The following KLF12 variants were observed in gnomAD, a reference collection of about 807,000 sequenced individuals.
KLF12 encodes Krueppel-like factor 12.
In KLF12, 9 loss-of-function variants were observed where a neutral mutation model predicts 37.8. The ratio of observed to expected loss-of-function variants is 0.24; its 90% CI spans 0.14 to 0.42. The LOEUF (loss-of-function observed/expected upper bound fraction) is 0.42. KLF12 is among the 10% of genes least tolerant of loss of function. The pLI is 1.00. For missense variants in KLF12, 411 were observed against 516.0 expected (o/e 0.80, Z 1.97); for synonymous variants, 208 against 202.1 (o/e 1.03, Z -0.25).
chr13:74,022,089 G>A (rs916897558), intron 1 of KLF12, among the ~76,000 whole-genome samples: 1 of 152,016 alleles, frequency 6.6e-6, no homozygotes, highest in Non-Finnish European at 1.5e-5. Flanking sequence ...TTGTGTCTTA[G>A]ATATTCTAAA....
rs5024383 is a variant in KLF12 at position 73,831,025 on chromosome 13, C to T, written c.670+14802G>A. On this transcript the variant is annotated intron_variant, in intron 4 of 7. Transcript: ENST00000377669. ...ACACACACACACACACACACACACA[C>T]GCATACTTATTTTACATACAGAATA... is the stretch of plus-strand genomic sequence containing the variant. Among the ~76,000 whole-genome samples the T allele has an allele frequency of 5.3e-3, 757 of 141,622 alleles. 7 individuals carry two copies. The highest frequency in any genetic ancestry group is 6.1e-3 in the Non-Finnish European group (389 of 64,274). The allele number at this position is 141,622 out of a possible 152,430, so 92.9% of individuals were successfully genotyped here.
the KLF12 span, among the ~76,000 whole-genome samples, chr13:74,271,492 T>C: frequency 3.3e-5 from 5 of 152,200 alleles, no homozygotes; most frequent in African/African-American, 1.2e-4. Flanking sequence ...AAGACATTTG[T>C]AAGGCAGAAG....
intron 1 of KLF12, among the ~76,000 whole-genome samples, chr13:74,021,201 T>C (rs1248176882): frequency 6.6e-6 from 1 of 152,170 alleles, no homozygotes; most frequent in East Asian, 1.9e-4. Flanking sequence ...AAAATCAGTT[T>C]GATGTGTTAT....
At chr13:73,812,628 A>G (rs530766615) in intron 5 of KLF12, among the ~76,000 whole-genome samples, 1 of 152,264 alleles carries the variant, frequency 6.6e-6, no homozygotes, top group South Asian at 2.1e-4. Flanking sequence ...GCTATTTTCA[A>G]TAAACGAGGG....
intron 1 of KLF12, among the ~76,000 whole-genome samples, chr13:74,060,492 G>GTGTGTGTGTGTGTGTGTGTC (rs1555336635): frequency 0.03 from 3,143 of 103,192 alleles, 74 homozygotes; most frequent in Non-Finnish European, 0.045. Flanking sequence ...TTTTGTGTGT[G>GTGTGTGTGTGTGTGTGTGTC]TGTGTGTGTG....
chr13:73,895,451 G>A (rs1372346678), intron 3 of KLF12, among the ~76,000 whole-genome samples: 1 of 152,186 alleles, frequency 6.6e-6, no homozygotes. Flanking sequence ...TGGTTTGGGT[G>A]ATGGAATTTT....
chr13:73,915,944 G>T (rs1888806927), intron 3 of KLF12, among the ~76,000 whole-genome samples: 1 of 152,046 alleles, frequency 6.6e-6, no homozygotes, highest in East Asian at 1.9e-4. Context: ...TCTCCACAAA[G>T]ACTTGAGAAG....
the KLF12 span, among the ~76,000 whole-genome samples, chr13:74,144,935 A>C: frequency 2.2e-4 from 33 of 152,268 alleles, 1 homozygote; most frequent in Non-Finnish European, 3.8e-4. Context: ...CATATGAATA[A>C]AATTCTATAG....
intron 1 of KLF12, among the ~76,000 whole-genome samples, chr13:74,094,334 A>G (rs923437795): frequency 2.6e-5 from 4 of 152,210 alleles, no homozygotes; most frequent in African/African-American, 9.6e-5. Context: ...GGCTTTAAAA[A>G]GTATATGAAT....
At chr13:73,870,418 G>A (rs150434548) in intron 3 of KLF12, among the ~76,000 whole-genome samples, 24 of 152,326 alleles carry the variant, frequency 1.6e-4, no homozygotes, top group African/African-American at 5.5e-4. Context: ...CACAACTTTG[G>A]TTGGTTTCTA....
rs1478727885 is a variant in KLF12, at chr13:74,058,530, G to C, written c.-31-63477C>G. 2.0e-5 allele frequency among the ~76,000 whole-genome samples: 3 copies of C among 151,090 alleles called. No homozygotes were observed. In the East Asian group the frequency reaches 5.9e-4, roughly 30 times the overall value. On this transcript the variant is annotated intron_variant, in intron 1 of 7. Transcript: ENST00000377669. ...GCCACCACGCCCGGCTAATTTTTTT[G>C]TATTTTTAGTAGAGATGGGGTTTCA...
chr13:74,187,111 G>A, the KLF12 span, among the ~76,000 whole-genome samples: 703 of 152,258 alleles, frequency 4.6e-3, 5 homozygotes, highest in Non-Finnish European at 3.9e-3. Flanking sequence ...TTATTGCTCA[G>A]TGGTTAAGAT....
chr13:74,039,107 T>C (rs1403899498), intron 1 of KLF12, among the ~76,000 whole-genome samples: 1 of 152,060 alleles, frequency 6.6e-6, no homozygotes, highest in Non-Finnish European at 1.5e-5. Context: ...ATTTACGCAT[T>C]TTTTTCCTTT....
intron 1 of KLF12, among the ~76,000 whole-genome samples, chr13:74,018,940 T>C (rs1199205252): frequency 1.3e-5 from 2 of 152,196 alleles, no homozygotes; most frequent in African/African-American, 4.8e-5. Flanking sequence ...ACCCATGTTT[T>C]ATCTTTTACT....
chr13:73,762,467 C>T (rs1490446389), intron 6 of KLF12, among the ~76,000 whole-genome samples: 2 of 152,158 alleles, frequency 1.3e-5, no homozygotes, highest in Non-Finnish European at 2.9e-5. Context: ...TCATACCTTA[C>T]CTATACATAC....
At chr13:73,850,929 T>C (rs1233248603) in intron 3 of KLF12, among the ~76,000 whole-genome samples, 1 of 152,244 alleles carries the variant, frequency 6.6e-6, no homozygotes, top group East Asian at 1.9e-4. Context: ...TCCTGTTGTG[T>C]GATATTATAC....
chr13:74,270,907 A>C, the KLF12 span, among the ~76,000 whole-genome samples: 1 of 152,054 alleles, frequency 6.6e-6, no homozygotes, highest in Non-Finnish European at 1.5e-5. Context: ...TATTCCAGTA[A>C]ATTCTCTTTT....
intron 3 of KLF12, among the ~76,000 whole-genome samples, chr13:73,939,811 T>G (rs1890109902): frequency 6.6e-6 from 1 of 152,156 alleles, no homozygotes; most frequent in African/African-American, 2.4e-5. Flanking sequence ...ACTCAGGTCT[T>G]TCTCACTTTG....
chr13:73,709,286 A>C (rs1324311323), intron 7 of KLF12, among the ~76,000 whole-genome samples: 1 of 152,196 alleles, frequency 6.6e-6, no homozygotes, highest in East Asian at 1.9e-4. Flanking sequence ...GAAGCATTAA[A>C]GGCAAAATTA....
Sources: allele counts gnomAD v4.1 joint callset (sites outside exome capture counted in the v4.1 genomes callset), GRCh38; gene constraint gnomAD v4.1.1; transcripts MANE v1.5; gene names NCBI Gene and HGNC (gene_info 2026-07-23, HGNC 2026-07-21).